Variants in FBXL13 observed in about 807,000 individuals in gnomAD.
FBXL13 encodes F-box and leucine rich repeat protein 13.
In FBXL13, 67 loss-of-function variants were observed where a neutral mutation model predicts 83.6. The ratio of observed to expected loss-of-function variants is 0.80; its 90% CI spans 0.66 to 0.98. The LOEUF is 0.98. Among genes scored for constraint, FBXL13 ranks in the 50% least tolerant of loss-of-function variants. FBXL13 has a pLI of 0.00. For missense variants in FBXL13, 822 were observed against 866.5 expected, an observed-to-expected ratio of 0.95 and a Z score of 0.64; for synonymous variants, 272 against 299.5, an observed-to-expected ratio of 0.91 and a Z score of 0.95.
At chr7:102,968,354 TC>T (rs1347162312) in intron 6 of FBXL13, among the ~76,000 whole-genome samples, 1 of 152,236 alleles carries the variant, frequency 6.6e-6, no homozygotes. Flanking sequence ...TATAATGTAA[TC>T]CTTTTAATTG....
chr7:102,959,533 A>G (rs890427035), intron 8 of FBXL13, among the ~76,000 whole-genome samples: 4 of 152,082 alleles, frequency 2.6e-5, no homozygotes, highest in Non-Finnish European at 5.9e-5. Context: ...TATATATAAT[A>G]TATAGCTCTC....
At chr7:102,954,239 A>C (rs1389034763) in intron 8 of FBXL13, among the ~76,000 whole-genome samples, 3 of 152,216 alleles carry the variant, frequency 2.0e-5, no homozygotes, top group Admixed American at 6.5e-5. Context: ...ACTGCACTTT[A>C]ACATTCTTAA....
Position 103,017,852 on chromosome 7 carries a change from GGT to G in FBXL13, c.495+7209_495+7210del, listed in dbSNP as rs1196857134. On this transcript the variant is annotated intron_variant, in intron 6 of 19. Coordinates refer to ENST00000313221, the Ensembl canonical transcript of FBXL13. ...GAAAAGACCAAACCTAGTTCTGATTGGTGTACCTGAAAGTGACAGGGAGAAGA... is the reference window on the plus strand; with the variant it reads ...GAAAAGACCAAACCTAGTTCTGATTGGTACCTGAAAGTGACAGGGAGAAGA... 2.0e-5 allele frequency among the ~76,000 whole-genome samples: 3 copies of G among 152,180 alleles called. No individual in the cohort carries two copies. In the East Asian group the frequency reaches 5.8e-4, roughly 29 times the overall value.
At chr7:103,052,773 T>G in intron 2 of FBXL13, among the ~76,000 whole-genome samples, 1 of 139,066 alleles carries the variant, frequency 7.2e-6, no homozygotes, top group Non-Finnish European at 1.6e-5. Flanking sequence ...TTTTTTTTTT[T>G]GAGATGGAGT....
chr7:103,050,978 T>C (rs1796752565), intron 2 of FBXL13, among the ~76,000 whole-genome samples: 1 of 152,142 alleles, frequency 6.6e-6, no homozygotes, highest in African/African-American at 2.4e-5. Flanking sequence ...CATTGCTTTG[T>C]TGCTCATTTG....
intron 10 of FBXL13, among the ~76,000 whole-genome samples, chr7:102,916,379 G>A (rs994230785): frequency 2.0e-5 from 3 of 152,122 alleles, no homozygotes; most frequent in Admixed American, 2.0e-4. Flanking sequence ...CCCCAGCTAA[G>A]AACCTCTGGT....
chr7:102,820,291 C>T (rs1162602573), intron 19 of FBXL13, among the ~76,000 whole-genome samples: 4 of 152,224 alleles, frequency 2.6e-5, no homozygotes, highest in African/African-American at 7.2e-5. Flanking sequence ...TCTCTGCCTG[C>T]TTCTTGTGCA....
chr7:102,874,445 C>T, intron 16 of FBXL13: 2 of 702,836 alleles, frequency 2.8e-6, no homozygotes, highest in Non-Finnish European at 3.5e-6. Context: ...TAGCAGAAAA[C>T]AATTAGTATA....
At chr7:103,049,699 T>A (rs913966754) in intron 2 of FBXL13, among the ~76,000 whole-genome samples, 4 of 152,212 alleles carry the variant, frequency 2.6e-5, no homozygotes, top group African/African-American at 9.6e-5. Context: ...GAATATCCAC[T>A]TTTAATTAAG....
intron 16 of FBXL13, among the ~76,000 whole-genome samples, chr7:102,873,270 C>T (rs1264336240): frequency 2.0e-5 from 3 of 152,156 alleles, no homozygotes; most frequent in African/African-American, 4.8e-5. Context: ...TAAACATGTT[C>T]GTTTTCCCAA....
chr7:103,005,477 A>T (rs74367432), intron 6 of FBXL13, among the ~76,000 whole-genome samples: 2 of 149,106 alleles, frequency 1.3e-5, no homozygotes, highest in Admixed American at 6.7e-5. Flanking sequence ...AGGCTGCCAT[A>T]AAAAAAAAAT....
At chr7:102,844,725 T>A (rs1245768031) in intron 17 of FBXL13, among the ~76,000 whole-genome samples, 1 of 152,208 alleles carries the variant, frequency 6.6e-6, no homozygotes, top group Non-Finnish European at 1.5e-5. Context: ...TGACATTAAC[T>A]GGAGTTAGCA....
rs1277430711 is a variant in FBXL13 at position 102,968,197 on chromosome 7, G to A, written c.496-80C>T. 8 of 850,310 alleles carry A rather than the reference G, an allele frequency of 9.4e-6. No homozygotes were observed. The Admixed American group carries it at 1.6e-4, about 17-fold the overall frequency. 52.7% of individuals were successfully genotyped at this position (850,310 alleles called of 1,614,324 possible). Reference sequence around the variant, plus strand: ...GTCCACTTACCTTTTGTCTGTGTGTGTGCACACATGTGCGTGCACACACAC... The same window carrying A: ...GTCCACTTACCTTTTGTCTGTGTGTATGCACACATGTGCGTGCACACACAC... On this transcript the variant is annotated intron_variant, in intron 6 of 19. Coordinates refer to ENST00000313221, the Ensembl canonical transcript of FBXL13.
Position 102,880,647 on chromosome 7 carries a change from C to T in FBXL13, c.1389-2197G>A, listed in dbSNP as rs150938006. Among the ~76,000 whole-genome samples the T allele has an allele frequency of 3.8e-3, 576 of 152,284 alleles. 5 individuals are homozygous for T. The highest frequency in any genetic ancestry group is 0.014 in the African/African-American group (569 of 41,554). On this transcript the variant is annotated intron_variant, in intron 14 of 19. Transcript: ENST00000313221. Reference sequence around the variant, plus strand: ...TGAATTACCTGAAGGTCAAATGTATCTTGCTGTTTCTGTGACTCTTTCTCA... The same window carrying T: ...TGAATTACCTGAAGGTCAAATGTATTTTGCTGTTTCTGTGACTCTTTCTCA...
exon 9 of FBXL13, chr7:102,931,924 C>T: frequency 1.9e-6 from 3 of 1,613,588 alleles, no homozygotes; most frequent in Non-Finnish European, 2.5e-6. Flanking sequence ...TTGCAAGTTC[C>T]TACAGTGGCC....
chr7:102,874,520 A>G (rs1464828081), intron 16 of FBXL13: 13 of 258,278 alleles, frequency 5.0e-5, no homozygotes, highest in Non-Finnish European at 7.3e-5. Flanking sequence ...GAAAATAAAA[A>G]CAGAGACTAG....
chr7:103,008,468 G>A (rs2129486235), intron 6 of FBXL13, among the ~76,000 whole-genome samples: 1 of 152,196 alleles, frequency 6.6e-6, no homozygotes, highest in East Asian at 1.9e-4. Flanking sequence ...AATTATTCAG[G>A]AAAAAATATT....
chr7:102,986,212 C>A (rs1828933633), intron 6 of FBXL13, among the ~76,000 whole-genome samples: 1 of 152,180 alleles, frequency 6.6e-6, no homozygotes, highest in Admixed American at 6.5e-5. Flanking sequence ...TGACAACCAT[C>A]AGAAGCCAAA....
At chr7:102,978,056 T>C (rs1163482791) in intron 6 of FBXL13, among the ~76,000 whole-genome samples, 1 of 152,122 alleles carries the variant, frequency 6.6e-6, no homozygotes, top group Non-Finnish European at 1.5e-5. Flanking sequence ...TGTATACATA[T>C]GTAACTAACC....
Sources: gnomAD v4.1 joint callset for allele counts (sites outside exome capture counted in the v4.1 genomes callset) on GRCh38, gnomAD v4.1.1 for gene constraint, MANE v1.5 for transcripts, NCBI Gene and HGNC (gene_info 2026-07-23, HGNC 2026-07-21) for gene names.